The following STXBP5L variants were observed in gnomAD, a reference collection of about 807,000 sequenced individuals.
The protein encoded by STXBP5L is syntaxin-binding protein 5-like.
Under a neutral mutation model 144.5 loss-of-function variants are expected in STXBP5L, and 65 were observed. The ratio of observed to expected loss-of-function variants is 0.45; its 90% CI spans 0.37 to 0.55. The LOEUF is 0.55. STXBP5L is among the 20% of genes least tolerant of loss of function. The pLI, the probability that STXBP5L is intolerant of heterozygous loss-of-function variation, is 0.00. For missense variants in STXBP5L, 1,298 were observed against 1,405.5 expected, an observed-to-expected ratio of 0.92 and a Z score of 1.22; for synonymous variants, 505 against 469.6, an observed-to-expected ratio of 1.08 and a Z score of -0.97.
At chr3:121,347,273 C>T (rs1042425557) in intron 20 of STXBP5L, among the ~76,000 whole-genome samples, 9 of 152,032 alleles carry the variant, frequency 5.9e-5, no homozygotes, top group Non-Finnish European at 1.3e-4. Flanking sequence ...AGATATGTGG[C>T]ATTATTTCTG....
chr3:121,010,887 T>C (rs936186183), intron 3 of STXBP5L, among the ~76,000 whole-genome samples: 1 of 151,658 alleles, frequency 6.6e-6, no homozygotes, highest in Non-Finnish European at 1.5e-5. Flanking sequence ...AGAAGGGGTT[T>C]GTCTTGCTGT....
intron 20 of STXBP5L, among the ~76,000 whole-genome samples, chr3:121,351,782 G>A (rs1221226648): frequency 6.6e-6 from 1 of 152,132 alleles, no homozygotes; most frequent in Non-Finnish European, 1.5e-5. Context: ...GAATGGTATT[G>A]CCTAGGTTTT....
intron 2 of STXBP5L, among the ~76,000 whole-genome samples, chr3:120,944,787 T>C (rs1285368418): frequency 6.6e-6 from 1 of 151,858 alleles, no homozygotes; most frequent in Non-Finnish European, 1.5e-5. Context: ...TGCCACTCTA[T>C]GGTGTCATAT....
chr3:120,962,220 A>C (rs891473661), intron 3 of STXBP5L, among the ~76,000 whole-genome samples: 1 of 152,042 alleles, frequency 6.6e-6, no homozygotes, highest in African/African-American at 2.4e-5. Context: ...CTTCCATTCT[A>C]TAGGTTGCCT....
At chr3:121,318,377 A>G (rs2043853209) in intron 19 of STXBP5L, 98 bp from the exon 20 acceptor site, 2 of 737,544 alleles carry the variant, frequency 2.7e-6, no homozygotes, top group Non-Finnish European at 2.1e-6. Context: ...TAGTTTTCAC[A>G]TAAAAAAAAG....
chr3:121,332,591 A>G (rs2044357154), intron 20 of STXBP5L, among the ~76,000 whole-genome samples: 1 of 152,058 alleles, frequency 6.6e-6, no homozygotes, highest in Admixed American at 6.6e-5. Flanking sequence ...TAAAAAAATG[A>G]ACAAAGTCTC....
chr3:121,142,629 T>C (rs2045554497), intron 7 of STXBP5L, among the ~76,000 whole-genome samples: 2 of 151,708 alleles, frequency 1.3e-5, no homozygotes, highest in South Asian at 4.2e-4. Flanking sequence ...TATATAGAAA[T>C]TAAACAATAC....
intron 5 of STXBP5L, chr3:121,049,860 G>A (rs376758666): frequency 2.0e-5 from 3 of 152,508 alleles, no homozygotes; most frequent in Admixed American, 6.6e-5. Flanking sequence ...CCTGAGTGAT[G>A]GCTCTGCCAA....
At chr3:121,072,539 A>T (rs1418635534) in intron 5 of STXBP5L, among the ~76,000 whole-genome samples, 1 of 152,220 alleles carries the variant, frequency 6.6e-6, no homozygotes. Context: ...CTCCCATCTG[A>T]GAACTTCCAC....
intron 20 of STXBP5L, among the ~76,000 whole-genome samples, chr3:121,321,485 C>T (rs2043968369): frequency 6.6e-6 from 1 of 152,124 alleles, no homozygotes; most frequent in Admixed American, 6.5e-5. Context: ...AATACATATA[C>T]AATAGCCACA....
Position 121,001,199 on chromosome 3 carries a change from A to C in STXBP5L, c.288-40501A>C, listed in dbSNP as rs1943747070. ...TAGCCATTGGGGAGGCTGCAGGTGG[A>C]TGCATGCTGGCAAGGCCCATGTGAA... On this transcript the variant is annotated intron_variant, in intron 3 of 26. Transcript: ENST00000471454. Among the ~76,000 whole-genome samples the C allele has an allele frequency of 3.9e-5, 6 of 152,176 alleles. No individual in the cohort carries two copies. In the South Asian group the frequency reaches 1.2e-3, roughly 31 times the overall value.
chr3:121,130,042 A>G (rs983399395), intron 7 of STXBP5L, among the ~76,000 whole-genome samples: 1 of 152,160 alleles, frequency 6.6e-6, no homozygotes, highest in Non-Finnish European at 1.5e-5. Context: ...TACTGAACCA[A>G]CTAATTTTTA....
At chr3:120,943,420 G>C (rs1362739356) in intron 2 of STXBP5L, among the ~76,000 whole-genome samples, 1 of 151,538 alleles carries the variant, frequency 6.6e-6, no homozygotes, top group Non-Finnish European at 1.5e-5. Context: ...CAATTTGAAG[G>C]CTAGGGTCTG....
At chr3:121,169,567 C>T (rs1289938628) in intron 9 of STXBP5L, among the ~76,000 whole-genome samples, 1 of 152,112 alleles carries the variant, frequency 6.6e-6, no homozygotes, top group African/African-American at 2.4e-5. Context: ...ATAAAACAGA[C>T]TTTAAACCAA....
intron 19 of STXBP5L, among the ~76,000 whole-genome samples, chr3:121,305,231 A>G (rs969075973): frequency 6.6e-6 from 1 of 152,176 alleles, no homozygotes; most frequent in African/African-American, 2.4e-5. Context: ...AATGCTATCA[A>G]ACATTTAAGG....
chr3:121,044,795 T>G (rs990538814), intron 4 of STXBP5L, among the ~76,000 whole-genome samples: 3 of 152,154 alleles, frequency 2.0e-5, no homozygotes, highest in African/African-American at 7.2e-5. Flanking sequence ...GTATGCGAAA[T>G]AGGATTCATT....
chr3:121,110,591 G>A (rs771936886), intron 5 of STXBP5L, among the ~76,000 whole-genome samples: 3 of 152,146 alleles, frequency 2.0e-5, no homozygotes, highest in Admixed American at 6.5e-5. Flanking sequence ...TCTGCTGAGA[G>A]GTCTGCTGTT....
chr3:121,181,404 C>T (rs1194792410), intron 9 of STXBP5L, among the ~76,000 whole-genome samples: 1 of 113,818 alleles, frequency 8.8e-6, no homozygotes, highest in South Asian at 3.5e-4. Context: ...GCCTAAGGGC[C>T]CCACTTAAAA....
At chr3:120,974,958 G>A (rs1940771594) in intron 3 of STXBP5L, among the ~76,000 whole-genome samples, 1 of 152,152 alleles carries the variant, frequency 6.6e-6, no homozygotes, top group Non-Finnish European at 1.5e-5. Context: ...TTGTAGTATA[G>A]TTTGAAGTCG....
Sources: gnomAD v4.1 joint callset for allele counts (sites outside exome capture counted in the v4.1 genomes callset) on GRCh38, gnomAD v4.1.1 for gene constraint, MANE v1.5 for transcripts, NCBI Gene and HGNC (gene_info 2026-07-23, HGNC 2026-07-21) for gene names.